ZNF592: variants seen among roughly 807,000 people sequenced by gnomAD.
ZNF592 encodes zinc finger protein 592.
ZNF592 carries 11 observed loss-of-function variants against 80.3 expected under a neutral mutation model. The ratio of observed to expected loss-of-function variants is 0.14; its 90% CI spans 0.09 to 0.23. The LOEUF (loss-of-function observed/expected upper bound fraction) is 0.23. ZNF592 is among the 10% of genes least tolerant of loss of function. The pLI, the probability that ZNF592 is intolerant of heterozygous loss-of-function variation, is 1.00. For missense variants in ZNF592, 1,420 were observed against 1,633.9 expected (o/e 0.87, Z 2.26); for synonymous variants, 646 against 640.3 (o/e 1.01, Z -0.13).
At position 84,764,765 on chromosome 15, in the gene ZNF592, C is replaced by T. The variant is rs1899452634; in HGVS notation, c.-200C>T. ...AGAAGTTTTTCCTTTCTCCGCAGCT[C>T]TGCTCCCCTAGCAACGCTCGCCACA... On this transcript the variant is annotated 5_prime_UTR_variant, in exon 2 of 11. Transcript: ENST00000560079. The T allele has an allele frequency of 1.3e-5, 5 of 398,886 alleles. No individual in the cohort carries two copies. The highest frequency in any genetic ancestry group is 6.2e-4 in the Middle Eastern group (1 of 1,610). 24.7% of individuals were successfully genotyped at this position (398,886 alleles called of 1,614,324 possible).
intron 5 of ZNF592, among the ~76,000 whole-genome samples, chr15:84,797,204 AC>A (rs1962943382): frequency 6.6e-6 from 1 of 151,990 alleles, no homozygotes; most frequent in Admixed American, 6.5e-5. Context: ...CGTGTGATCC[AC>A]CCTCCTTGGC....
chr15:84,784,365 C>T lies in ZNF592; in HGVS notation c.1690C>T (p.Pro564Ser). 6.2e-7 allele frequency: 1 copy of T among 1,614,208 alleles called. No individual in the cohort carries two copies. Among genetic ancestry groups the T allele is most frequent in the Non-Finnish European group, 8.5e-7 (1 of 1,180,038 alleles). The change falls in exon 4 of 11, where the codon CCC becomes TCC. Residue 564 changes from proline to serine, a missense_variant. Pro to Ser is a moderately conservative substitution (Grantham distance 74). Coordinates refer to ENST00000560079, the MANE Select transcript of ZNF592 (RefSeq NM_014630.3). This position sits in a 1 kb window ranked among gnomAD's most constrained non-coding sequence, Gnocchi z 5.8. ...VFNKVLHSSN[P>S]VPLYAPNLSP... ...CAACAAGGTCCTTCACAGCTCCAAC[C>T]CCGTGCCCCTCTATGCGCCAAATCT... is the stretch of plus-strand genomic sequence containing the variant.
chr15:84,790,911 G>T, intron 5 of ZNF592, 28 bp downstream of exon 5: 1 of 1,614,006 alleles, frequency 6.2e-7, no homozygotes, highest in Non-Finnish European at 8.5e-7. Context: ...TGCTGTCCTG[G>T]TATTGCCCAA....
chr15:84,758,368 G>A (rs1286015301), intron 1 of ZNF592, among the ~76,000 whole-genome samples: 1 of 151,162 alleles, frequency 6.6e-6, no homozygotes, highest in Non-Finnish European at 1.5e-5. Flanking sequence ...CTGCAGCTTT[G>A]ACCAACCAGG....
At position 84,798,597 on chromosome 15, in the gene ZNF592, G is replaced by A. The variant is rs1962995065; in HGVS notation, c.2746G>A (p.Gly916Ser). ...ELMQHVKSTH[G>S]VPRNVDELSS... is the part of the protein sequence containing the mutation. ...CTCTCCCCATCCCCAGAGCACCCAC[G>A]GTGTTCCCCGAAATGTGGACGAGCT... The change falls in exon 8 of 11, where the codon GGT (glycine) becomes AGT (serine). Residue 916 changes from glycine (G) to serine (S), a missense_variant. This residue lies in a region of ZNF592 where 331 missense variants were observed against 347.0 expected (regional missense o/e 0.95). Transcript: ENST00000560079. The surrounding 1 kb of genome is among the most constrained non-coding windows in gnomAD (Gnocchi z 4.5). 1.2e-6 allele frequency: 2 copies of A among 1,614,100 alleles called. No individual in the cohort carries two copies. The highest frequency in any genetic ancestry group is 8.5e-7 in the Non-Finnish European group (1 of 1,180,024).
Position 84,802,478 on chromosome 15 carries a change from TG to T in ZNF592, c.*86del, listed in dbSNP as rs903670910. Reference sequence around the variant, plus strand: ...GCGGACCGTGGAAAATAAAAGGCTCTGCCCCCAGTGTGAGTGTGACCGGTTG... The same window carrying T: ...GCGGACCGTGGAAAATAAAAGGCTCTCCCCCAGTGTGAGTGTGACCGGTTG... On this transcript the variant is annotated 3_prime_UTR_variant, in exon 11 of 11. Transcript: ENST00000560079. The T allele has an allele frequency of 1.1e-5, 16 of 1,502,168 alleles. No individual in the cohort carries two copies. The highest frequency in any genetic ancestry group is 1.2e-5 in the Non-Finnish European group (13 of 1,099,228). 93.1% of individuals were successfully genotyped at this position (1,502,168 alleles called of 1,614,324 possible). A position where few individuals can be genotyped will look rare whatever the true frequency, so the allele number is the denominator to read the frequency against.
intron 2 of ZNF592, among the ~76,000 whole-genome samples, chr15:84,767,068 C>T (rs1030197754): frequency 6.6e-6 from 1 of 152,170 alleles, no homozygotes; most frequent in Non-Finnish European, 1.5e-5. Flanking sequence ...GATCTCGGCT[C>T]ACTACAGCCT....
intron 4 of ZNF592, among the ~76,000 whole-genome samples, chr15:84,790,106 C>G (rs1470064315): frequency 1.3e-5 from 2 of 149,184 alleles, no homozygotes; most frequent in African/African-American, 5.0e-5. Flanking sequence ...CCAACCCCCA[C>G]CCCCGCAACT....
chr15:84,785,466 C>G (rs983673293), intron 4 of ZNF592, among the ~76,000 whole-genome samples: 1 of 152,168 alleles, frequency 6.6e-6, no homozygotes. Flanking sequence ...CATGTGCCAC[C>G]ACGCCTAGCT....
intron 10 of ZNF592, among the ~76,000 whole-genome samples, 184 bp from the exon 11 acceptor site, chr15:84,801,679 G>A (rs1449179386): frequency 2.6e-5 from 4 of 152,162 alleles, no homozygotes; most frequent in African/African-American, 9.7e-5. Context: ...GGAGTATTGT[G>A]ACACATGCAT....
At chr15:84,766,892 G>A (rs1206173264) in intron 2 of ZNF592, among the ~76,000 whole-genome samples, 1 of 152,112 alleles carries the variant, frequency 6.6e-6, no homozygotes, top group African/African-American at 2.4e-5. Flanking sequence ...AGACCTGTCA[G>A]TTTAGGAAGC....
At chr15:84,774,421 A>G (rs1229375655) in intron 2 of ZNF592, among the ~76,000 whole-genome samples, 3 of 152,226 alleles carry the variant, frequency 2.0e-5, no homozygotes, top group African/African-American at 7.2e-5. Flanking sequence ...ATGAGTCCTT[A>G]TTCAGCAGTG....
rs1308479430 is a variant in ZNF592, at chr15:84,806,064, C to T, written c.*3671C>T. 1 of 152,500 alleles carries T rather than the reference C, an allele frequency of 6.6e-6. No individual in the cohort carries two copies. The highest frequency in any genetic ancestry group is 1.5e-5 in the Non-Finnish European group (1 of 68,020). The allele number at this position is 152,500 out of a possible 1,614,324, so 9.4% of individuals were successfully genotyped here. On this transcript the variant is annotated 3_prime_UTR_variant, in exon 11 of 11. Coordinates refer to ENST00000560079, the MANE Select transcript of ZNF592 (RefSeq NM_014630.3). ...GGTCAGAGTAATTCTTTAAAAGTTC[C>T]TTGCATATAACAGTGATTCAAAAAG...
intron 2 of ZNF592, among the ~76,000 whole-genome samples, chr15:84,768,392 C>T (rs1899600012): frequency 6.6e-6 from 1 of 151,884 alleles, no homozygotes; most frequent in Admixed American, 6.6e-5. Flanking sequence ...TGTGCACCAC[C>T]ACACCTGGCT....
In ZNF592 at chr15:84,784,400, T is replaced by A. The variant is rs370518161; in HGVS notation, c.1725T>A (p.Pro575=). The part of the protein sequence containing the change: ...VPLYAPNLSP[P]ADSRIHVPAS... ...TCTATGCGCCAAATCTCAGCCCGCC[T>A]GCGGACAGCAGGATCCACGTGCCGG... Residue 575 remains proline, a synonymous_variant, in exon 4 of 11, where the codon CCT becomes CCA. Coordinates refer to ENST00000560079, the MANE Select transcript of ZNF592 (RefSeq NM_014630.3). This position sits in a 1 kb window ranked among gnomAD's most constrained non-coding sequence, Gnocchi z 5.8. 3.7e-6 allele frequency: 6 copies of A among 1,614,058 alleles called. No homozygotes were observed. The African/African-American group carries it at 8.0e-5, about 22-fold the overall frequency.
rs1567076416 is a variant in ZNF592 at position 84,796,288 on chromosome 15, TATATATAAAA to T, written c.2400-1579_2400-1570del. On this transcript the variant is annotated intron_variant, in intron 5 of 10. Coordinates refer to ENST00000560079, the MANE Select transcript of ZNF592 (RefSeq NM_014630.3). ...TATTTTATATATATATATATATATA[TATATATAAAA>T]AAACGAAGGGTAACATTCAGGAGTC... is the stretch of plus-strand genomic sequence containing the variant. Among the ~76,000 whole-genome samples the T allele has an allele frequency of 6.2e-4, 33 of 53,518 alleles. 1 individual carries two copies. Among genetic ancestry groups the T allele is most frequent in the African/African-American group, 2.1e-3 (19 of 9,002 alleles). 35.1% of individuals were successfully genotyped at this position (53,518 alleles called of 152,430 possible). A position where few individuals can be genotyped will look rare whatever the true frequency, so the allele number is the denominator to read the frequency against.
intron 2 of ZNF592, among the ~76,000 whole-genome samples, chr15:84,765,132 C>T (rs1417416747): frequency 6.6e-6 from 1 of 152,124 alleles, no homozygotes; most frequent in Admixed American, 6.6e-5. Context: ...TATGAATTTG[C>T]CTACTCTAGG....
intron 1 of ZNF592, among the ~76,000 whole-genome samples, chr15:84,750,133 C>A (rs1898971714): frequency 6.6e-6 from 1 of 152,192 alleles, no homozygotes; most frequent in Non-Finnish European, 1.5e-5. Context: ...GAAACCCCGT[C>A]TCCACTAAAA....
At chr15:84,757,339 C>CTTT (rs34466288) in intron 1 of ZNF592, among the ~76,000 whole-genome samples, 2 of 120,760 alleles carry the variant, frequency 1.7e-5, no homozygotes, top group African/African-American at 6.5e-5. Context: ...TCTTTCTTTC[C>CTTT]TTTTTTTTTT....
Sources: gnomAD v4.1 joint callset for allele counts (sites outside exome capture counted in the v4.1 genomes callset) on GRCh38, gnomAD v4.1.1 for gene constraint, gnomAD v4.1.1 regional missense constraint, Gnocchi (gnomAD v3.1) non-coding constraint, MANE v1.5 for transcripts, NCBI Gene and HGNC (gene_info 2026-07-23, HGNC 2026-07-21) for gene names.